ADAMTS3: variants seen among roughly 807,000 people sequenced by gnomAD.
ADAMTS3 encodes A disintegrin and metalloproteinase with thrombospondin motifs 3.
In ADAMTS3, 73 loss-of-function variants were observed where a neutral mutation model predicts 129.0. The ratio of observed to expected loss-of-function variants is 0.57; its 90% CI spans 0.47 to 0.69. The LOEUF (loss-of-function observed/expected upper bound fraction) is 0.69. Among genes scored for constraint, ADAMTS3 ranks in the 30% least tolerant of loss-of-function variants. The pLI, the probability that ADAMTS3 is intolerant of heterozygous loss-of-function variation, is 0.00. For synonymous variants in ADAMTS3, 477 were observed against 510.8 expected (o/e 0.93, Z 0.89); for missense variants, 1,457 against 1,514.5 (o/e 0.96, Z 0.63).
intron 5 of ADAMTS3, among the ~76,000 whole-genome samples, chr4:72,338,169 T>C (rs576670616): frequency 6.6e-6 from 1 of 152,238 alleles, no homozygotes; most frequent in South Asian, 2.1e-4. Flanking sequence ...TTTCTCAATA[T>C]GCCGATAAAG....
chr4:72,514,976 C>A (rs1210877038), intron 3 of ADAMTS3, among the ~76,000 whole-genome samples: 2 of 152,022 alleles, frequency 1.3e-5, no homozygotes, highest in East Asian at 1.9e-4. Flanking sequence ...CTAATACTAT[C>A]CCTCCCCGCT....
chr4:72,363,995 A>T (rs1369701754), intron 4 of ADAMTS3, among the ~76,000 whole-genome samples: 2 of 152,312 alleles, frequency 1.3e-5, no homozygotes, highest in East Asian at 3.9e-4. Flanking sequence ...AATATATTAC[A>T]TGAAAATGAT....
At chr4:72,336,542 G>A (rs113649028) in intron 5 of ADAMTS3, among the ~76,000 whole-genome samples, 1 of 152,138 alleles carries the variant, frequency 6.6e-6, no homozygotes, top group Admixed American at 6.6e-5. Context: ...GCTCAGGTCA[G>A]TATTTTGGGT....
At chr4:72,380,470 A>G (rs1260669992) in intron 4 of ADAMTS3, among the ~76,000 whole-genome samples, 3 of 152,164 alleles carry the variant, frequency 2.0e-5, no homozygotes, top group Admixed American at 1.3e-4. Context: ...TTAATAAGGC[A>G]GTAATGATTA....
At chr4:72,536,951 T>C (rs1721197895) in intron 3 of ADAMTS3, among the ~76,000 whole-genome samples, 1 of 152,134 alleles carries the variant, frequency 6.6e-6, no homozygotes, top group Non-Finnish European at 1.5e-5. Flanking sequence ...ACAGGTAATA[T>C]TGTAAAAAGG....
intron 4 of ADAMTS3, among the ~76,000 whole-genome samples, chr4:72,373,957 G>T (rs1339719581): frequency 6.7e-6 from 1 of 149,610 alleles, no homozygotes; most frequent in Admixed American, 6.7e-5. Context: ...TAATAGGAAA[G>T]TATCTGAGGT....
intron 5 of ADAMTS3, among the ~76,000 whole-genome samples, chr4:72,333,326 AT>A (rs1719898386): frequency 6.6e-6 from 1 of 152,144 alleles, no homozygotes; most frequent in Non-Finnish European, 1.5e-5. Flanking sequence ...ACTCATCTAC[AT>A]AAATGGTACC....
intron 3 of ADAMTS3, among the ~76,000 whole-genome samples, chr4:72,446,043 G>A (rs1367918598): frequency 6.6e-6 from 1 of 151,578 alleles, no homozygotes; most frequent in African/African-American, 2.4e-5. Context: ...CATACAAGAA[G>A]ATATGTGAAA....
At chr4:72,384,601 A>C (rs28786078) in intron 4 of ADAMTS3, among the ~76,000 whole-genome samples, 4,910 of 152,242 alleles carry the variant, frequency 0.032, 291 homozygotes, top group African/African-American at 0.11. Flanking sequence ...AAGGTAGATC[A>C]CATAAAAACA....
intron 3 of ADAMTS3, among the ~76,000 whole-genome samples, chr4:72,533,673 A>ATATGTATATATACATCTATATG (rs1164175826): frequency 6.6e-6 from 1 of 151,372 alleles, no homozygotes. Context: ...GTATATGCAC[A>ATATGTATATATACATCTATATG]TATATGCACA....
chr4:72,557,328 C>T (rs1721792577), intron 2 of ADAMTS3, among the ~76,000 whole-genome samples: 1 of 151,718 alleles, frequency 6.6e-6, no homozygotes, highest in East Asian at 1.9e-4. Flanking sequence ...TGCCAAAGGG[C>T]TCAGCAAAGC....
chr4:72,315,317 G>C (rs530150034), intron 11 of ADAMTS3, among the ~76,000 whole-genome samples: 1 of 152,314 alleles, frequency 6.6e-6, no homozygotes, highest in South Asian at 2.1e-4. Flanking sequence ...CTTTGCAAAT[G>C]TGATTAACTT....
At chr4:72,439,069 G>A (rs1258704864) in intron 3 of ADAMTS3, among the ~76,000 whole-genome samples, 1 of 151,666 alleles carries the variant, frequency 6.6e-6, no homozygotes, top group African/African-American at 2.4e-5. Context: ...CATACTCAAA[G>A]TAGAGGTTTG....
At chr4:72,523,053 C>T (rs1048941335) in intron 3 of ADAMTS3, among the ~76,000 whole-genome samples, 9 of 151,818 alleles carry the variant, frequency 5.9e-5, no homozygotes, top group Admixed American at 4.6e-4. Context: ...AATTAATAAC[C>T]TAAATTTTAA....
chr4:72,505,664 AGTACCCAGAG>A (rs1720142651), intron 3 of ADAMTS3, among the ~76,000 whole-genome samples: 1 of 152,224 alleles, frequency 6.6e-6, no homozygotes, highest in Non-Finnish European at 1.5e-5. Flanking sequence ...GCAGCCACCA[AGTACCCAGAG>A]GTATAGGTAG....
chr4:72,498,602 C>T (rs1719928767), intron 3 of ADAMTS3, among the ~76,000 whole-genome samples: 1 of 151,820 alleles, frequency 6.6e-6, no homozygotes, highest in East Asian at 1.9e-4. Context: ...TCTACCTCAC[C>T]CTGAAATATT....
At chr4:72,431,773 A>T (rs922927478) in intron 3 of ADAMTS3, among the ~76,000 whole-genome samples, 1 of 151,952 alleles carries the variant, frequency 6.6e-6, no homozygotes, top group Non-Finnish European at 1.5e-5. Context: ...GAGTGAAGGG[A>T]TATAACTATT....
At chr4:72,303,822 A>T in intron 17 of ADAMTS3, 95 bp downstream of exon 17, 4 of 1,306,414 alleles carry the variant, frequency 3.1e-6, no homozygotes, top group Non-Finnish European at 4.3e-6. Context: ...TCAAAGTTCA[A>T]AGTACACTTA....
chr4:72,542,348 T>G (rs1413328972), intron 3 of ADAMTS3, among the ~76,000 whole-genome samples: 1 of 152,022 alleles, frequency 6.6e-6, no homozygotes. Context: ...GTATTTATAG[T>G]AGAGATAGGG....
Sources: allele counts gnomAD v4.1 joint callset (sites outside exome capture counted in the v4.1 genomes callset), GRCh38; gene constraint gnomAD v4.1.1; transcripts MANE v1.5; gene names NCBI Gene and HGNC (gene_info 2026-07-23, HGNC 2026-07-21).